NKAIN2: variants seen among roughly 807,000 people sequenced by gnomAD.
The protein encoded by NKAIN2 is sodium/potassium transporting ATPase interacting 2.
Under a neutral mutation model 32.6 loss-of-function variants are expected in NKAIN2, and 14 were observed. That is an observed-to-expected ratio of 0.43 (90% CI 0.28 to 0.67). NKAIN2 has a LOEUF of 0.67. Among genes scored for constraint, NKAIN2 ranks in the 30% least tolerant of loss-of-function variants. The probability of loss-of-function intolerance (pLI) is 0.17; values close to 1 mark genes in which losing one functional copy is unlikely to be tolerated. For synonymous variants in NKAIN2, 80 were observed against 87.2 expected (o/e 0.92, Z 0.46); for missense variants, 198 against 258.3 (o/e 0.77, Z 1.60).
intron 1 of NKAIN2, among the ~76,000 whole-genome samples, chr6:123,986,054 T>A (rs974769260): frequency 6.6e-6 from 1 of 152,182 alleles, no homozygotes; most frequent in Admixed American, 6.5e-5. Context: ...TTAATGAAGA[T>A]ATTCCTATTA....
At chr6:123,812,018 T>A (rs1257380808) in intron 1 of NKAIN2, among the ~76,000 whole-genome samples, 3 of 152,186 alleles carry the variant, frequency 2.0e-5, no homozygotes, top group Admixed American at 2.0e-4. Flanking sequence ...AGCAAGACAT[T>A]CTACTGAGCA....
At chr6:124,239,613 A>G (rs947596486) in intron 1 of NKAIN2, among the ~76,000 whole-genome samples, 25 of 152,168 alleles carry the variant, frequency 1.6e-4, no homozygotes, top group African/African-American at 6.0e-4. Context: ...ACACAACTAC[A>G]TGGAAACTGA....
chr6:124,679,007 A>G (rs896864164), intron 4 of NKAIN2, among the ~76,000 whole-genome samples: 9 of 151,942 alleles, frequency 5.9e-5, no homozygotes, highest in Non-Finnish European at 1.2e-4. Context: ...GGTGCATGTC[A>G]GAAGTACCAA....
Position 124,802,974 on chromosome 6 carries a change from G to A in NKAIN2, c.535+11575G>A, listed in dbSNP as rs76359076. The stretch of plus-strand genomic sequence containing the variant: ...TAGACTTTCAACATCTGTGCCTGAC[G>A]ATGCCCAGATTCAATTTCTCCACTT... On this transcript the variant is annotated intron_variant, in intron 5 of 6. Transcript: ENST00000368417. Among the ~76,000 whole-genome samples, 23 of 152,202 alleles carry A rather than the reference G, an allele frequency of 1.5e-4. No homozygotes were observed. The East Asian group carries it at 4.1e-3, about 27-fold the overall frequency.
At chr6:123,863,137 A>C (rs1455259025) in intron 1 of NKAIN2, among the ~76,000 whole-genome samples, 2 of 152,220 alleles carry the variant, frequency 1.3e-5, no homozygotes, top group Non-Finnish European at 2.9e-5. Flanking sequence ...GCCACAGATA[A>C]GGACAGAGCC....
chr6:124,500,577 C>T (rs1038129685), intron 3 of NKAIN2, among the ~76,000 whole-genome samples: 1 of 151,978 alleles, frequency 6.6e-6, no homozygotes, highest in Non-Finnish European at 1.5e-5. Flanking sequence ...TTGCTTGAAC[C>T]TGGGAGGCAG....
At chr6:124,199,354 T>G (rs1237445294) in intron 1 of NKAIN2, among the ~76,000 whole-genome samples, 2 of 152,188 alleles carry the variant, frequency 1.3e-5, no homozygotes, top group Non-Finnish European at 2.9e-5. Flanking sequence ...CTGGCTGCAG[T>G]CCCATGTCCT....
intron 4 of NKAIN2, among the ~76,000 whole-genome samples, chr6:124,750,937 T>C (rs1263545946): frequency 6.6e-6 from 1 of 151,986 alleles, no homozygotes. Flanking sequence ...AAAATCTACC[T>C]AAAAAACTAA....
chr6:124,698,056 A>G (rs182963893), intron 4 of NKAIN2, among the ~76,000 whole-genome samples: 48 of 152,332 alleles, frequency 3.2e-4, no homozygotes, highest in Non-Finnish European at 5.9e-5. Flanking sequence ...TCAGACTGGC[A>G]TAATTGTAGT....
At chr6:124,579,857 A>G (rs1781459713) in intron 3 of NKAIN2, among the ~76,000 whole-genome samples, 1 of 152,240 alleles carries the variant, frequency 6.6e-6, no homozygotes, top group Non-Finnish European at 1.5e-5. Flanking sequence ...ATAACATACA[A>G]TGGCGCTCCA....
chr6:124,642,710 A>G (rs1204505973), intron 3 of NKAIN2, among the ~76,000 whole-genome samples: 1 of 152,112 alleles, frequency 6.6e-6, no homozygotes, highest in African/African-American at 2.4e-5. Context: ...TATTTCTCTC[A>G]GTTGTAAAGA....
At chr6:124,447,793 G>A (rs1045410283) in intron 3 of NKAIN2, among the ~76,000 whole-genome samples, 9 of 152,090 alleles carry the variant, frequency 5.9e-5, no homozygotes, top group African/African-American at 1.9e-4. Flanking sequence ...AAATGCTGGT[G>A]AGTTTGTGGA....
intron 3 of NKAIN2, among the ~76,000 whole-genome samples, chr6:124,408,236 A>G (rs1583202482): frequency 6.6e-6 from 1 of 152,002 alleles, no homozygotes; most frequent in Admixed American, 6.6e-5. Context: ...TTTTGTTGCC[A>G]TTGCTTTTGG....
intron 2 of NKAIN2, among the ~76,000 whole-genome samples, chr6:124,289,639 A>G (rs1006317756): frequency 6.6e-6 from 1 of 152,170 alleles, no homozygotes; most frequent in Non-Finnish European, 1.5e-5. Context: ...AATTGCCGTG[A>G]TTTGATTTTT....
At chr6:124,699,158 T>A (rs2114562210) in intron 4 of NKAIN2, among the ~76,000 whole-genome samples, 1 of 152,254 alleles carries the variant, frequency 6.6e-6, no homozygotes, top group Non-Finnish European at 1.5e-5. Context: ...TTTGGCTATG[T>A]GGTTCTGGCT....
At chr6:124,809,816 G>A (rs1780795380) in intron 5 of NKAIN2, among the ~76,000 whole-genome samples, 1 of 152,048 alleles carries the variant, frequency 6.6e-6, no homozygotes, top group African/African-American at 2.4e-5. Flanking sequence ...ATCAAAAAGT[G>A]GGCGAAGGAC....
chr6:124,197,484 A>G lies in NKAIN2; in HGVS notation c.55-85521A>G, dbSNP rs117359086. 7.0e-3 allele frequency among the ~76,000 whole-genome samples: 1,063 copies of G among 152,206 alleles called. 9 individuals are homozygous for G. The highest frequency in any genetic ancestry group is 8.6e-3 in the Non-Finnish European group (587 of 67,978). On this transcript the variant is annotated intron_variant, in intron 1 of 6. Coordinates refer to ENST00000368417, the MANE Select transcript of NKAIN2 (RefSeq NM_001040214.3). ...AAGAAAAGTTATCGTTTTATAGATT[A>G]TTTGGTCTATTTTCATTGTTTAGTT... is the stretch of plus-strand genomic sequence containing the variant.
intron 3 of NKAIN2, among the ~76,000 whole-genome samples, chr6:124,365,692 A>G (rs889935495): frequency 5.9e-5 from 9 of 151,318 alleles, no homozygotes; most frequent in Non-Finnish European, 1.0e-4. Context: ...TATAATTGAC[A>G]TATAGAATAC....
chr6:124,382,241 A>G lies in NKAIN2; in HGVS notation c.273+26894A>G, dbSNP rs143890003. 2.8e-3 allele frequency among the ~76,000 whole-genome samples: 427 copies of G among 152,226 alleles called. 1 individual carries two copies. The highest frequency in any genetic ancestry group is 0.016 in the South Asian group (76 of 4,828). On this transcript the variant is annotated intron_variant, in intron 3 of 6. Coordinates refer to ENST00000368417, the MANE Select transcript of NKAIN2 (RefSeq NM_001040214.3). Reference sequence around the variant, plus strand: ...GGAAAATGCAGTTTATATTGTTTACATCCTTGATGCACACATCCTTTCTGA... The same window carrying G: ...GGAAAATGCAGTTTATATTGTTTACGTCCTTGATGCACACATCCTTTCTGA...
Sources: allele counts gnomAD v4.1 joint callset (sites outside exome capture counted in the v4.1 genomes callset), GRCh38; gene constraint gnomAD v4.1.1; transcripts MANE v1.5; gene names NCBI Gene and HGNC (gene_info 2026-07-23, HGNC 2026-07-21).